ANTXR1: variants seen among roughly 807,000 people sequenced by gnomAD.
The protein encoded by ANTXR1 is anthrax toxin receptor 1.
ANTXR1 carries 19 observed loss-of-function variants against 78.1 expected under a neutral mutation model. The observed-to-expected ratio is 0.24, with a 90% CI of 0.17 to 0.36. The LOEUF is 0.36. Among genes scored for constraint, ANTXR1 ranks in the 10% least tolerant of loss-of-function variants. ANTXR1 has a pLI of 1.00. For missense variants in ANTXR1, 518 were observed against 718.6 expected (o/e 0.72, Z 3.19); for synonymous variants, 273 against 260.5 (o/e 1.05, Z -0.46).
At chr2:69,039,049 G>A (rs1306628188) in intron 1 of ANTXR1, among the ~76,000 whole-genome samples, 2 of 152,158 alleles carry the variant, frequency 1.3e-5, no homozygotes, top group African/African-American at 4.8e-5. Flanking sequence ...TCAGAAATCA[G>A]TGGAAAATGT....
intron 3 of ANTXR1, among the ~76,000 whole-genome samples, chr2:69,058,981 G>A (rs187170478): frequency 6.6e-5 from 10 of 152,302 alleles, no homozygotes; most frequent in East Asian, 5.8e-4. Context: ...AATTTGAAGC[G>A]GAGCCTGAAG....
At chr2:69,023,285 G>A (rs1671247675) in intron 1 of ANTXR1, among the ~76,000 whole-genome samples, 1 of 152,170 alleles carries the variant, frequency 6.6e-6, no homozygotes, top group Non-Finnish European at 1.5e-5. Flanking sequence ...TATGGTGGTG[G>A]AGGTGGACGT....
intron 7 of ANTXR1, among the ~76,000 whole-genome samples, chr2:69,076,875 C>T (rs1573847499): frequency 6.6e-6 from 1 of 152,260 alleles, no homozygotes; most frequent in Admixed American, 6.5e-5. Flanking sequence ...ATCGGCTTCT[C>T]CTGGCCCTCA....
intron 10 of ANTXR1, among the ~76,000 whole-genome samples, chr2:69,121,133 T>C (rs1672333177): frequency 6.6e-6 from 1 of 152,210 alleles, no homozygotes; most frequent in African/African-American, 2.4e-5. Flanking sequence ...CCCTCCTCCT[T>C]TTGTGTGCTC....
At chr2:69,221,014 G>T (rs1193015621) in intron 17 of ANTXR1, among the ~76,000 whole-genome samples, 2 of 152,206 alleles carry the variant, frequency 1.3e-5, no homozygotes, top group African/African-American at 4.8e-5. Context: ...GGAGATGGAT[G>T]GAATGCCACA....
At chr2:69,096,121 G>T (rs544693868) in intron 9 of ANTXR1, among the ~76,000 whole-genome samples, 10 of 151,942 alleles carry the variant, frequency 6.6e-5, no homozygotes, top group Admixed American at 2.6e-4. Context: ...AGCCAGGCGT[G>T]GTGGCGGGCT....
At chr2:69,031,993 A>G (rs746041909) in intron 1 of ANTXR1, among the ~76,000 whole-genome samples, 6 of 151,678 alleles carry the variant, frequency 4.0e-5, no homozygotes, top group Non-Finnish European at 7.4e-5. Flanking sequence ...TCAAAATATT[A>G]CCCCCATTAT....
chr2:69,116,124 T>C (rs1250684335), intron 10 of ANTXR1, among the ~76,000 whole-genome samples: 1 of 152,252 alleles, frequency 6.6e-6, no homozygotes, highest in East Asian at 1.9e-4. Flanking sequence ...TTTAATGTCT[T>C]CTATCAAAAG....
At position 69,013,732 on chromosome 2, in the gene ANTXR1, G is replaced by T; in HGVS notation, c.152+81G>T. On this transcript the variant is annotated intron_variant, in intron 1 of 17. Coordinates refer to ENST00000303714, the MANE Select transcript of ANTXR1 (RefSeq NM_032208.3). The surrounding 1 kb of genome is among the most constrained non-coding windows in gnomAD (Gnocchi z 5.0). ...GCCCCGGGCCGGGCTCGTTGGCAGG[G>T]TCGCCTGGGGACAGGAGCGCATCTC... 1 of 1,548,570 alleles carries T rather than the reference G, an allele frequency of 6.5e-7. No individual in the cohort carries two copies. Among genetic ancestry groups the T allele is most frequent in the Non-Finnish European group, 8.7e-7 (1 of 1,144,918 alleles).
chr2:69,138,662 A>G (rs1481579423), intron 12 of ANTXR1, among the ~76,000 whole-genome samples: 2 of 152,194 alleles, frequency 1.3e-5, no homozygotes, highest in African/African-American at 4.8e-5. Context: ...ACGATACATA[A>G]CTAACATTCC....
At chr2:69,072,221 T>C (rs1670587099) in intron 5 of ANTXR1, among the ~76,000 whole-genome samples, 1 of 152,208 alleles carries the variant, frequency 6.6e-6, no homozygotes, top group African/African-American at 2.4e-5. Context: ...AACTTTCCTA[T>C]ATTTAAATGA....
chr2:69,230,619 G>T (rs1410924732), intron 17 of ANTXR1, among the ~76,000 whole-genome samples: 1 of 152,056 alleles, frequency 6.6e-6, no homozygotes. Context: ...CTTCAGAATC[G>T]GGAGAGACTT....
At chr2:69,119,227 G>T (rs116024256) in intron 10 of ANTXR1, among the ~76,000 whole-genome samples, 10,059 of 152,278 alleles carry the variant, frequency 0.066, 458 homozygotes, top group Admixed American at 0.093. Flanking sequence ...CAGGAGCAGG[G>T]CATGCCAGCC....
chr2:69,219,762 C>T (rs1468969327), intron 17 of ANTXR1, among the ~76,000 whole-genome samples: 3 of 152,008 alleles, frequency 2.0e-5, no homozygotes, highest in Non-Finnish European at 4.4e-5. Flanking sequence ...AACAAGTGGC[C>T]CAAGGGATGC....
chr2:69,096,756 A>G (rs1361883101), intron 9 of ANTXR1, among the ~76,000 whole-genome samples: 1 of 152,252 alleles, frequency 6.6e-6, no homozygotes, highest in Non-Finnish European at 1.5e-5. Flanking sequence ...CAGAACTGAC[A>G]ACACTGAACC....
chr2:69,098,717 G>A (rs1249806088), intron 9 of ANTXR1, among the ~76,000 whole-genome samples: 2 of 152,124 alleles, frequency 1.3e-5, no homozygotes, highest in African/African-American at 4.8e-5. Flanking sequence ...CAGGCGTGGT[G>A]GCTCACACCT....
intron 8 of ANTXR1, among the ~76,000 whole-genome samples, chr2:69,084,493 G>A (rs958726221): frequency 2.6e-5 from 4 of 151,920 alleles, no homozygotes; most frequent in South Asian, 4.1e-4. Context: ...GCATGTAAGC[G>A]TGGTATAATG....
chr2:69,145,422 G>T, intron 12 of ANTXR1: 4 of 1,566,218 alleles, frequency 2.6e-6, no homozygotes, highest in Admixed American at 1.9e-5. Flanking sequence ...TCCTGAAAAC[G>T]GGGAGAGAGG....
chr2:69,058,231 G>T (rs1485440056), intron 3 of ANTXR1, among the ~76,000 whole-genome samples: 1 of 152,228 alleles, frequency 6.6e-6, no homozygotes, highest in Non-Finnish European at 1.5e-5. Flanking sequence ...CAGTGGAGAT[G>T]AAACAGCCTT....
Sources: allele counts gnomAD v4.1 joint callset (sites outside exome capture counted in the v4.1 genomes callset), GRCh38; gene constraint gnomAD v4.1.1; non-coding constraint Gnocchi (gnomAD v3.1); transcripts MANE v1.5; gene names NCBI Gene and HGNC (gene_info 2026-07-23, HGNC 2026-07-21).